CNST: variants seen among roughly 807,000 people sequenced by gnomAD.
CNST encodes consortin.
A neutral mutation model predicts 72.4 loss-of-function variants in CNST; 39 were observed. That is an observed-to-expected ratio of 0.54 (90% CI 0.42 to 0.70). The LOEUF is 0.70. Ranked by LOEUF, CNST falls within the 30% of genes least tolerant of loss-of-function variation. CNST has a pLI of 0.00. For synonymous variants in CNST, 332 were observed against 320.1 expected (o/e 1.04, Z -0.40); for missense variants, 871 against 868.5 (o/e 1.00, Z -0.04).
chr1:246,652,762 T>C (rs1228187575), intron 9 of CNST, among the ~76,000 whole-genome samples: 6 of 151,798 alleles, frequency 4.0e-5, no homozygotes, highest in Non-Finnish European at 7.4e-5. Context: ...CCCAGCACTT[T>C]GGGAGGCCAA....
In CNST at chr1:246,587,164, A is replaced by G. The variant is rs371099344; in HGVS notation, c.-51-4348A>G. 4.1e-4 allele frequency among the ~76,000 whole-genome samples: 63 copies of G among 152,320 alleles called. No homozygotes were observed. In the East Asian group the frequency reaches 9.3e-3, roughly 22 times the overall value. On this transcript the variant is annotated intron_variant, in intron 1 of 10. Transcript: ENST00000366513. ...ACTGTTAAAGAGATGGAGTCTTGCTATGTTGCGCAGGCCGGTCTGGTACTC... is the reference window on the plus strand; with the variant it reads ...ACTGTTAAAGAGATGGAGTCTTGCTGTGTTGCGCAGGCCGGTCTGGTACTC...
rs1213670706 is a variant in CNST, at chr1:246,591,946, T to G, written c.379+5T>G. The G allele has an allele frequency of 9.4e-6, 15 of 1,592,628 alleles. No homozygotes were observed. Among genetic ancestry groups the G allele is most frequent in the Non-Finnish European group, 1.3e-5 (15 of 1,170,770 alleles). ...CTGCTAAGAAGATACCACCAGGTAT[T>G]GTTTAAAATAGTATTTATCCTCTTC... On this transcript the variant is annotated splice_donor_5th_base_variant and intron_variant, in intron 2 of 10. Coordinates refer to ENST00000366513, the MANE Select transcript of CNST (RefSeq NM_152609.3).
chr1:246,569,866 G>A (rs1474254432), intron 1 of CNST: 3 of 809,748 alleles, frequency 3.7e-6, no homozygotes, highest in Non-Finnish European at 4.5e-6. Flanking sequence ...AGTGTGTCAA[G>A]GCACAGTATG....
In CNST at chr1:246,667,508, CTG is replaced by C. The variant is rs763426122; in HGVS notation, c.*1605_*1606del. ...CTTGTCTCTATCATGTCACCATAAA[CTG>C]TAATATTTTCAAGGGTTATAGATCA... On this transcript the variant is annotated 3_prime_UTR_variant, in exon 11 of 11. Coordinates refer to ENST00000366513, the MANE Select transcript of CNST (RefSeq NM_152609.3). 4.6e-5 allele frequency: 7 copies of C among 152,088 alleles called. No individual in the cohort carries two copies. The highest frequency in any genetic ancestry group is 5.9e-5 in the Non-Finnish European group (4 of 68,020). 9.4% of individuals were successfully genotyped at this position (152,088 alleles called of 1,614,324 possible).
intron 6 of CNST, among the ~76,000 whole-genome samples, chr1:246,637,867 A>G (rs765540996): frequency 7.2e-5 from 11 of 152,174 alleles, no homozygotes; most frequent in Non-Finnish European, 1.6e-4. Flanking sequence ...GAACGCTTCT[A>G]CCCACCCAGA....
chr1:246,594,156 C>A (rs1303796112), intron 2 of CNST, among the ~76,000 whole-genome samples: 2 of 151,910 alleles, frequency 1.3e-5, no homozygotes, highest in African/African-American at 4.8e-5. Context: ...GTCTTTATTC[C>A]ACTTTTCTTA....
chr1:246,634,069 C>T (rs971712330), intron 5 of CNST, 59 bp downstream of exon 5: 66 of 1,033,086 alleles, frequency 6.4e-5, no homozygotes, highest in East Asian at 3.4e-4. Flanking sequence ...TCACTATCTA[C>T]AAAATTAACA....
Position 246,647,227 on chromosome 1 carries a change from G to C in CNST, c.1026G>C (p.Met342Ile), listed in dbSNP as rs901898887. ...GGAGCAGTCCCTGCTGTCATCAGATGGACGTGCAAACAGATTCCCCAAGCC... is the reference window on the plus strand; with the variant it reads ...GGAGCAGTCCCTGCTGTCATCAGATCGACGTGCAAACAGATTCCCCAAGCC... ...PLGSSPCCHQ[M>I]DVQTDSPSLS... The change falls in exon 9 of 11, where the codon ATG becomes ATC. Residue 342 changes from methionine to isoleucine, a missense_variant. Transcript: ENST00000366513. The C allele has an allele frequency of 3.1e-6, 5 of 1,614,044 alleles. No individual in the cohort carries two copies. The African/African-American group carries it at 6.7e-5, about 22-fold the overall frequency.
intron 2 of CNST, chr1:246,606,506 G>C (rs1451097946): frequency 6.6e-6 from 1 of 152,178 alleles, no homozygotes; most frequent in Non-Finnish European, 1.5e-5. Flanking sequence ...AGCCTGTTTT[G>C]ATAAATTGCT....
chr1:246,566,615 A>C lies in CNST; in HGVS notation c.-100A>C, dbSNP rs1659699009. On this transcript the variant is annotated 5_prime_UTR_variant, in exon 1 of 11. Coordinates refer to ENST00000366513, the MANE Select transcript of CNST (RefSeq NM_152609.3). ...CGCCATGTCGCCGAGTGGGGCTGGA[A>C]ACAGACCCGGCGCCCAGCGGTAGCC... is the stretch of plus-strand genomic sequence containing the variant. 1 of 403,462 alleles carries C rather than the reference A, an allele frequency of 2.5e-6. No homozygotes were observed. The highest frequency in any genetic ancestry group is 4.4e-6 in the Non-Finnish European group (1 of 228,328). 25.0% of individuals were successfully genotyped at this position (403,462 alleles called of 1,614,324 possible).
intron 1 of CNST, among the ~76,000 whole-genome samples, chr1:246,586,413 T>TTA (rs1246876351): frequency 6.8e-6 from 1 of 148,078 alleles, no homozygotes; most frequent in Non-Finnish European, 1.5e-5. Context: ...AACATATCTT[T>TTA]TATATATATC....
chr1:246,607,639 C>G (rs957529121), intron 2 of CNST: 1 of 150,798 alleles, frequency 6.6e-6, no homozygotes, highest in East Asian at 2.0e-4. Context: ...GTCACTGCTA[C>G]GTGGTACCCG....
At chr1:246,660,424 G>T in intron 10 of CNST, 90 bp downstream of exon 10, 2 of 1,428,444 alleles carry the variant, frequency 1.4e-6, no homozygotes, top group South Asian at 2.7e-5. Context: ...TTACTAACAG[G>T]ATTTGTAAAA....
chr1:246,655,535 G>A (rs1417881934), intron 9 of CNST, among the ~76,000 whole-genome samples: 1 of 152,244 alleles, frequency 6.6e-6, no homozygotes, highest in East Asian at 1.9e-4. Context: ...GTCTCTAGAT[G>A]GGCAAATTTG....
At chr1:246,597,462 T>C (rs1661965146) in intron 2 of CNST, among the ~76,000 whole-genome samples, 1 of 152,190 alleles carries the variant, frequency 6.6e-6, no homozygotes. Flanking sequence ...AGATGATGTG[T>C]TTTATGGTTG....
At chr1:246,607,282 A>G (rs1490614128) in intron 2 of CNST, 3 of 151,956 alleles carry the variant, frequency 2.0e-5, no homozygotes, top group Admixed American at 2.0e-4. Context: ...ATCCCATGCC[A>G]CGGCCACTGT....
At chr1:246,647,043 T>C in intron 8 of CNST, 96 bp from the exon 9 acceptor site, 1 of 1,107,122 alleles carries the variant, frequency 9.0e-7, no homozygotes, top group Non-Finnish European at 1.3e-6. Context: ...AGGGTTAGAA[T>C]ATTGCTGTAT....
chr1:246,621,826 C>G (rs1262939294), intron 3 of CNST, among the ~76,000 whole-genome samples, 192 bp downstream of exon 3: 1 of 152,090 alleles, frequency 6.6e-6, no homozygotes, highest in Non-Finnish European at 1.5e-5. Flanking sequence ...GAAACCCCAT[C>G]TCTACAAAAT....
intron 6 of CNST, among the ~76,000 whole-genome samples, chr1:246,635,090 C>T (rs1483386798): frequency 6.6e-6 from 1 of 152,198 alleles, no homozygotes; most frequent in Non-Finnish European, 1.5e-5. Context: ...ATTCATCCCC[C>T]CAAGCTTTCG....
Sources: allele counts gnomAD v4.1 joint callset (sites outside exome capture counted in the v4.1 genomes callset), GRCh38; gene constraint gnomAD v4.1.1; transcripts MANE v1.5; gene names NCBI Gene and HGNC (gene_info 2026-07-23, HGNC 2026-07-21).